LTBP1: variants seen among roughly 807,000 people sequenced by gnomAD.
LTBP1 encodes latent-transforming growth factor beta-binding protein 1.
Under a neutral mutation model 207.6 loss-of-function variants are expected in LTBP1, and 129 were observed. That is an observed-to-expected ratio of 0.62 (90% CI 0.54 to 0.72). The LOEUF (loss-of-function observed/expected upper bound fraction) is 0.72, where lower values mean the gene tolerates loss of function less well. Ranked by LOEUF, LTBP1 falls within the 30% of genes least tolerant of loss-of-function variation. The probability of loss-of-function intolerance (pLI) is 0.00; values close to 1 mark genes in which losing one functional copy is unlikely to be tolerated. For missense variants in LTBP1, 2,281 were observed against 2,217.2 expected (o/e 1.03, Z -0.58); for synonymous variants, 963 against 833.7 (o/e 1.16, Z -2.67).
In LTBP1 at chr2:33,000,331, A is replaced by T. The variant is rs1332737098; in HGVS notation, c.566-20578A>T. On this transcript the variant is annotated intron_variant, in intron 2 of 33. Transcript: ENST00000404816. ...ATATGGCAGATGCACCTGAATGTGTATACCGAGCTACGGAATCCAGGATTC... is the reference window on the plus strand; with the variant it reads ...ATATGGCAGATGCACCTGAATGTGTTTACCGAGCTACGGAATCCAGGATTC... Among the ~76,000 whole-genome samples the T allele has an allele frequency of 1.5e-5, 2 of 134,844 alleles. 1 individual carries two copies. Among genetic ancestry groups the T allele is most frequent in the Non-Finnish European group, 3.3e-5 (2 of 61,282 alleles). The allele number at this position is 134,844 out of a possible 152,430, so 88.5% of individuals were successfully genotyped here. A position where few individuals can be genotyped will look rare whatever the true frequency, so the allele number is the denominator to read the frequency against.
intron 24 of LTBP1, among the ~76,000 whole-genome samples, chr2:33,337,339 A>C (rs1003043315): frequency 1.3e-5 from 2 of 152,190 alleles, no homozygotes; most frequent in East Asian, 3.8e-4. Flanking sequence ...AAAAGCGTGG[A>C]TCTATTAGTC....
chr2:32,949,001 C>G (rs1676699497), intron 2 of LTBP1, 56 bp downstream of exon 2: 2 of 1,555,022 alleles, frequency 1.3e-6, no homozygotes, highest in Non-Finnish European at 1.8e-6. Flanking sequence ...GGGGAGGTGT[C>G]CACATGGGGG....
chr2:33,216,951 C>T (rs2149360982), intron 7 of LTBP1, among the ~76,000 whole-genome samples: 1 of 152,298 alleles, frequency 6.6e-6, no homozygotes, highest in South Asian at 2.1e-4. Context: ...AACATGCTGG[C>T]ACCTTCCTAG....
intron 31 of LTBP1, 37 bp from the exon 32 acceptor site, chr2:33,389,147 C>A: frequency 6.2e-7 from 1 of 1,613,322 alleles, no homozygotes; most frequent in Non-Finnish European, 8.5e-7. Flanking sequence ...TGCGAGCTAA[C>A]AGTGGTGGGG....
intron 24 of LTBP1, among the ~76,000 whole-genome samples, chr2:33,339,354 G>A (rs2094589299): frequency 6.6e-6 from 1 of 152,146 alleles, no homozygotes; most frequent in Non-Finnish European, 1.5e-5. Flanking sequence ...TATGTAAATG[G>A]TAATTGAAGT....
intron 7 of LTBP1, among the ~76,000 whole-genome samples, chr2:33,208,921 G>T (rs1357799809): frequency 6.9e-6 from 1 of 144,356 alleles, no homozygotes; most frequent in Non-Finnish European, 1.5e-5. Flanking sequence ...AGGCTGGAGT[G>T]CAGTGGCGCG....
intron 22 of LTBP1, among the ~76,000 whole-genome samples, chr2:33,305,426 G>A (rs1420117018): frequency 6.8e-6 from 1 of 147,654 alleles, no homozygotes; most frequent in African/African-American, 2.7e-5. Context: ...GTTGAGGAAG[G>A]GTGGTGATTT....
intron 7 of LTBP1, among the ~76,000 whole-genome samples, chr2:33,207,617 C>G (rs370446937): frequency 5.6e-4 from 86 of 152,336 alleles, no homozygotes; most frequent in African/African-American, 2.0e-3. Flanking sequence ...TTTTCCTCTT[C>G]TTATGAGACA....
In LTBP1 at chr2:33,062,184, T is replaced by A. The variant is rs141011504; in HGVS notation, c.863+40978T>A. ...TTCTTAATGAGTTGGAATTTTTTAT[T>A]AGTATATATCCTGGATATCAATCTT... On this transcript the variant is annotated intron_variant, in intron 3 of 33. Coordinates refer to ENST00000404816, the MANE Select transcript of LTBP1 (RefSeq NM_206943.4). Among the ~76,000 whole-genome samples the A allele has an allele frequency of 5.5e-4, 83 of 151,582 alleles. 1 individual carries two copies. The highest frequency in any genetic ancestry group is 1.1e-3 in the South Asian group (5 of 4,750).
chr2:33,277,868 C>T (rs1483393219), intron 18 of LTBP1, among the ~76,000 whole-genome samples: 6 of 136,232 alleles, frequency 4.4e-5, no homozygotes, highest in Admixed American at 3.2e-4. Context: ...CTTGCTCTGT[C>T]GCCCAGGCTG....
In LTBP1 at chr2:33,187,089, T is replaced by A; in HGVS notation, c.1426+9T>A. The A allele has an allele frequency of 6.2e-7, 1 of 1,611,836 alleles. No homozygotes were observed. The highest frequency in any genetic ancestry group is 1.1e-5 in the South Asian group (1 of 90,956). On this transcript the variant is annotated intron_variant, in intron 6 of 33. Transcript: ENST00000404816. ...CCAGCAAGGAGTCAAAGGTAAGCTT[T>A]TTTCATTCCGCCCATTTGCCAGACC...
intron 12 of LTBP1, 91 bp downstream of exon 12, chr2:33,257,602 C>G: frequency 9.3e-7 from 1 of 1,080,694 alleles, no homozygotes; most frequent in Non-Finnish European, 1.4e-6. Context: ...AACAGAGTTT[C>G]TCAGCCTAAG....
intron 7 of LTBP1, among the ~76,000 whole-genome samples, chr2:33,208,865 A>ATTTTTT (rs3053310): frequency 3.4e-4 from 38 of 112,974 alleles, no homozygotes; most frequent in South Asian, 5.9e-4. Context: ...TCTTGCTACT[A>ATTTTTT]TTTTTTTTTT....
Position 33,293,145 on chromosome 2 carries a change from G to T in LTBP1, c.3113-15G>T, listed in dbSNP as rs186381337. 1 of 1,604,058 alleles carries T rather than the reference G, an allele frequency of 6.2e-7. No individual in the cohort carries two copies. The highest frequency in any genetic ancestry group is 2.2e-5 in the East Asian group (1 of 44,742). Reference sequence around the variant, plus strand: ...CTTCTTTTTTTGTTCTTTCCATTACGCAACATTCTTCAAGATGTGGACGAG... The same window carrying T: ...CTTCTTTTTTTGTTCTTTCCATTACTCAACATTCTTCAAGATGTGGACGAG... On this transcript the variant is annotated splice_polypyrimidine_tract_variant and intron_variant, in intron 19 of 33. Transcript: ENST00000404816.
chr2:33,189,189 T>TGA (rs2087556246), intron 7 of LTBP1, among the ~76,000 whole-genome samples: 2 of 137,046 alleles, frequency 1.5e-5, no homozygotes, highest in South Asian at 2.3e-4. Context: ...ATTTATTTGT[T>TGA]TATTGATTGA....
In LTBP1 at chr2:32,947,364, G is replaced by A; in HGVS notation, c.40G>A (p.Ala14Thr). ...GCTCAGGTGGGGGCTCCTGCTCTGG[G>A]CAGGGCTCCTCGCGTCCTCGGCGCA... is the stretch of plus-strand genomic sequence containing the variant. ...AWLRWGLLLW[A>T]GLLASSAHGR... Residue 14 changes from alanine (A) to threonine (T), a missense_variant, in exon 1 of 34, where the codon GCA becomes ACA. Around this residue, in one of 3 missense-constraint regions of LTBP1, gnomAD observed 555 missense variants for 491.0 expected, o/e 1.13. Transcript: ENST00000404816. 4 of 1,345,092 alleles carry A rather than the reference G, an allele frequency of 3.0e-6. No individual in the cohort carries two copies. The highest frequency in any genetic ancestry group is 3.8e-6 in the Non-Finnish European group (4 of 1,050,210). The allele number at this position is 1,345,092 out of a possible 1,614,324, so 83.3% of individuals were successfully genotyped here.
intron 3 of LTBP1, among the ~76,000 whole-genome samples, chr2:33,067,720 A>C (rs2077589757): frequency 6.6e-6 from 1 of 152,212 alleles, no homozygotes; most frequent in South Asian, 2.1e-4. Context: ...GATTAGAAGC[A>C]AATACTATGA....
chr2:33,170,447 G>C (rs902105173), intron 5 of LTBP1, among the ~76,000 whole-genome samples: 3 of 152,204 alleles, frequency 2.0e-5, no homozygotes, highest in South Asian at 2.1e-4. Flanking sequence ...CGGCCAGGCT[G>C]GGGGAGGGGC....
At chr2:33,348,814 T>G (rs1263481593) in intron 26 of LTBP1, among the ~76,000 whole-genome samples, 1 of 151,624 alleles carries the variant, frequency 6.6e-6, no homozygotes, top group African/African-American at 2.4e-5. Context: ...GAAGGGAGAG[T>G]GAGAATACAT....
Sources: allele counts gnomAD v4.1 joint callset (sites outside exome capture counted in the v4.1 genomes callset), GRCh38; gene constraint gnomAD v4.1.1; regional missense constraint gnomAD v4.1.1; transcripts MANE v1.5; gene names NCBI Gene and HGNC (gene_info 2026-07-23, HGNC 2026-07-21).